The following SLC39A11 variants were observed in gnomAD, a reference collection of about 807,000 sequenced individuals.
SLC39A11 encodes the protein solute carrier family 39 member 11.
In SLC39A11, 33 loss-of-function variants were observed where a neutral mutation model predicts 36.1. The ratio of observed to expected loss-of-function variants is 0.91; its 90% confidence interval spans 0.69 to 1.22. The LOEUF is 1.22. Among genes scored for constraint, SLC39A11 ranks in the 50% most tolerant of loss-of-function variants. The pLI is 0.00. For synonymous variants in SLC39A11, 166 were observed against 170.3 expected, an observed-to-expected ratio of 0.97 and a Z score of 0.20; for missense variants, 432 against 430.3, an observed-to-expected ratio of 1.00 and a Z score of -0.03.
chr17:72,744,207 G>T (rs1031567622), intron 6 of SLC39A11, among the ~76,000 whole-genome samples: 3 of 152,178 alleles, frequency 2.0e-5, no homozygotes, highest in Middle Eastern at 3.2e-3. Context: ...TTACAGGATG[G>T]CTGTGTTCAA....
chr17:72,649,281 G>T lies in SLC39A11; in HGVS notation c.672-13C>A. 1 of 1,611,930 alleles carries T rather than the reference G, an allele frequency of 6.2e-7. No individual in the cohort carries two copies. The highest frequency in any genetic ancestry group is 8.5e-7 in the Non-Finnish European group (1 of 1,178,570). ...AATGGCCAAATTCCTGAAAAACCAAGAAAGCACATGAAGGCTGCTGTCTGG... is the reference window on the plus strand; with the variant it reads ...AATGGCCAAATTCCTGAAAAACCAATAAAGCACATGAAGGCTGCTGTCTGG... On this transcript the variant is annotated splice_polypyrimidine_tract_variant and intron_variant, in intron 7 of 9. Transcript: ENST00000255559.
intron 7 of SLC39A11, among the ~76,000 whole-genome samples, chr17:72,710,295 C>T (rs1281447749): frequency 6.6e-6 from 1 of 152,164 alleles, no homozygotes; most frequent in Non-Finnish European, 1.5e-5. Flanking sequence ...TTCTTTGAAT[C>T]ACATCCTGTT....
chr17:72,907,536 T>C (rs1476328277), intron 5 of SLC39A11, among the ~76,000 whole-genome samples: 1 of 152,126 alleles, frequency 6.6e-6, no homozygotes, highest in African/African-American at 2.4e-5. Context: ...ATCAGGAAGA[T>C]GGTATGAGAC....
chr17:72,691,165 A>C (rs1162663271), intron 7 of SLC39A11, among the ~76,000 whole-genome samples: 1 of 152,178 alleles, frequency 6.6e-6, no homozygotes, highest in Non-Finnish European at 1.5e-5. Flanking sequence ...GGTGAGGCCT[A>C]CTGAACAACC....
At chr17:73,046,386 G>A (rs1367102403) in intron 3 of SLC39A11, among the ~76,000 whole-genome samples, 1 of 152,142 alleles carries the variant, frequency 6.6e-6, no homozygotes, top group Non-Finnish European at 1.5e-5. Context: ...ATGATTCCTG[G>A]GAGATGGAAG....
chr17:72,950,647 G>A lies in SLC39A11; in HGVS notation c.307-2772C>T, dbSNP rs8068329. The stretch of plus-strand genomic sequence containing the variant: ...TCTTCTTTCTTTTTATAATGTGATT[G>A]ATGCGTAACTGGGGGAAGGAATAAA... On this transcript the variant is annotated intron_variant, in intron 4 of 9. Transcript: ENST00000255559. 1.5e-3 allele frequency among the ~76,000 whole-genome samples: 235 copies of A among 152,272 alleles called. 1 individual carries two copies. Among genetic ancestry groups the A allele is most frequent in the African/African-American group, 5.5e-3 (230 of 41,554 alleles).
intron 5 of SLC39A11, among the ~76,000 whole-genome samples, chr17:72,856,988 A>C (rs2079677640): frequency 6.6e-6 from 1 of 152,072 alleles, no homozygotes. Flanking sequence ...TTTTTAAAAA[A>C]CTTTCACTTT....
intron 6 of SLC39A11, among the ~76,000 whole-genome samples, chr17:72,793,409 G>A (rs1401041482): frequency 1.3e-5 from 2 of 152,044 alleles, no homozygotes; most frequent in African/African-American, 2.4e-5. Flanking sequence ...CTGACTTGCT[G>A]TGTTTACATG....
At chr17:72,761,867 T>C (rs1434502997) in intron 6 of SLC39A11, among the ~76,000 whole-genome samples, 2 of 152,212 alleles carry the variant, frequency 1.3e-5, no homozygotes, top group East Asian at 1.9e-4. Flanking sequence ...GAGAAAGGCA[T>C]GCAGGGTCAT....
rs2060665614 is a variant in SLC39A11, at chr17:73,084,796, C to T, written c.147+12G>A. On this transcript the variant is annotated intron_variant, in intron 3 of 9. Coordinates refer to ENST00000255559, the MANE Select transcript of SLC39A11 (RefSeq NM_139177.4). ...GCCTCAATTTCCATTTCTCCTACTACATGCTACTTACCCCTGCAGCAAAGC... is the reference window on the plus strand; with the variant it reads ...GCCTCAATTTCCATTTCTCCTACTATATGCTACTTACCCCTGCAGCAAAGC... 6.2e-7 allele frequency: 1 copy of T among 1,613,802 alleles called. No individual in the cohort carries two copies. Among genetic ancestry groups the T allele is most frequent in the Non-Finnish European group, 8.5e-7 (1 of 1,179,824 alleles).
chr17:72,849,583 A>G (rs867450002), intron 6 of SLC39A11, 51 bp downstream of exon 6: 2 of 1,439,094 alleles, frequency 1.4e-6, no homozygotes, highest in Middle Eastern at 4.0e-4. Flanking sequence ...TGTGCTGACA[A>G]ATGACTTTAC....
chr17:73,014,438 C>A (rs1256482393), intron 4 of SLC39A11, among the ~76,000 whole-genome samples: 1 of 152,210 alleles, frequency 6.6e-6, no homozygotes. Context: ...GGAAGAACTG[C>A]TTGAGTCCAG....
At chr17:72,672,178 A>G (rs1160844380) in intron 7 of SLC39A11, among the ~76,000 whole-genome samples, 2 of 152,198 alleles carry the variant, frequency 1.3e-5, no homozygotes, top group East Asian at 3.9e-4. Context: ...GGCTGGGCGC[A>G]TGGCTCATGC....
chr17:72,900,165 G>GAAAAAGAAAGA (rs754738475), intron 5 of SLC39A11, among the ~76,000 whole-genome samples: 1 of 90,294 alleles, frequency 1.1e-5, no homozygotes, highest in African/African-American at 3.7e-5. Context: ...AAGAAAGAAA[G>GAAAAAGAAAGA]AAAGAAAGAA....
intron 6 of SLC39A11, among the ~76,000 whole-genome samples, chr17:72,848,720 TAAAA>T (rs35460918): frequency 1.4e-5 from 2 of 144,324 alleles, no homozygotes; most frequent in African/African-American, 2.6e-5. Flanking sequence ...GACTCTGTCT[TAAAA>T]AAAAAAAAAG....
intron 6 of SLC39A11, among the ~76,000 whole-genome samples, chr17:72,827,684 A>G (rs1332378331): frequency 1.3e-5 from 2 of 152,224 alleles, no homozygotes; most frequent in Non-Finnish European, 2.9e-5. Flanking sequence ...GCCTTCAGCC[A>G]TCTCATTCTC....
chr17:72,877,134 G>A (rs1431871200), intron 5 of SLC39A11, among the ~76,000 whole-genome samples: 2 of 152,170 alleles, frequency 1.3e-5, no homozygotes, highest in African/African-American at 4.8e-5. Context: ...ATAAAGAAGG[G>A]CACCAACACA....
At chr17:72,963,184 T>TG (rs2086736400) in intron 4 of SLC39A11, among the ~76,000 whole-genome samples, 5 of 146,954 alleles carry the variant, frequency 3.4e-5, no homozygotes, top group Admixed American at 3.4e-4. Context: ...TTTTTTTTTT[T>TG]TTTTGAGATG....
At chr17:72,740,073 T>TTTTTTTTG in intron 6 of SLC39A11, among the ~76,000 whole-genome samples, 1 of 136,992 alleles carries the variant, frequency 7.3e-6, no homozygotes, top group African/African-American at 2.8e-5. Flanking sequence ...TTTTTTTTTT[T>TTTTTTTTG]TTTTTTTGAG....
Sources: gnomAD v4.1 joint callset for allele counts (sites outside exome capture counted in the v4.1 genomes callset) on GRCh38, gnomAD v4.1.1 for gene constraint, MANE v1.5 for transcripts, NCBI Gene and HGNC (gene_info 2026-07-23, HGNC 2026-07-21) for gene names.